The following TACC2 variants were observed in gnomAD, a reference collection of about 807,000 sequenced individuals.
TACC2 encodes the protein transforming acidic coiled-coil containing protein 2, also known as transforming acidic coiled-coil-containing protein 2.
In TACC2, 137 loss-of-function variants were observed where a neutral mutation model predicts 227.3. The ratio of observed to expected loss-of-function variants is 0.60; its 90% CI spans 0.52 to 0.69. TACC2 has a LOEUF of 0.69. Among genes scored for constraint, TACC2 ranks in the 30% least tolerant of loss-of-function variants. The probability of loss-of-function intolerance (pLI) is 0.00; values close to 1 mark genes in which losing one functional copy is unlikely to be tolerated. For missense variants in TACC2, 3,470 were observed against 3,694.4 expected, an observed-to-expected ratio of 0.94 and a Z score of 1.57; for synonymous variants, 1,523 against 1,487.5, an observed-to-expected ratio of 1.02 and a Z score of -0.55.
chr10:122,216,918 C>G, intron 11 of TACC2, 90 bp downstream of exon 11: 3 of 1,605,930 alleles, frequency 1.9e-6, no homozygotes, highest in Middle Eastern at 1.7e-4. Flanking sequence ...AACTTCTCAG[C>G]CAGGTAACCA....
intron 5 of TACC2, among the ~76,000 whole-genome samples, chr10:122,101,265 A>T (rs1173767838): frequency 6.6e-6 from 1 of 152,212 alleles, no homozygotes; most frequent in African/African-American, 2.4e-5. Flanking sequence ...GATTCAGTGA[A>T]ATAGTGCACT....
At chr10:122,241,428 A>G (rs1184967107) in intron 18 of TACC2, among the ~76,000 whole-genome samples, 1 of 152,104 alleles carries the variant, frequency 6.6e-6, no homozygotes. Context: ...AGTAGCTAGG[A>G]TCACAGACGC....
chr10:122,237,665 C>A, intron 17 of TACC2, 127 bp downstream of exon 17: 1 of 1,208,112 alleles, frequency 8.3e-7, no homozygotes, highest in Non-Finnish European at 1.1e-6. Context: ...AGATGTGTGG[C>A]ACACCATGCG....
At chr10:122,122,227 C>T (rs2085963540) in intron 5 of TACC2, among the ~76,000 whole-genome samples, 1 of 152,064 alleles carries the variant, frequency 6.6e-6, no homozygotes, top group South Asian at 2.1e-4. Context: ...TGGTGGTGGG[C>T]ACCTATAGTC....
At chr10:122,139,340 G>A (rs1404911937) in intron 6 of TACC2, among the ~76,000 whole-genome samples, 2 of 152,204 alleles carry the variant, frequency 1.3e-5, no homozygotes, top group African/African-American at 4.8e-5. Context: ...ACGCTCTCAC[G>A]TGAACTGGCT....
intron 1 of TACC2, among the ~76,000 whole-genome samples, chr10:121,996,267 G>T (rs1953478968): frequency 6.6e-6 from 1 of 151,944 alleles, no homozygotes; most frequent in African/African-American, 2.4e-5. Flanking sequence ...TGTTGCTCAG[G>T]CTGTGTTGCT....
rs138677166 is a variant in TACC2 at position 122,055,051 on chromosome 10, C to T, written c.146+4501C>T. ...CCCGGGCAACACAGTGAAACCTCAT[C>T]TCTACTAAAATGCAAAAATTTAGCT... On this transcript the variant is annotated intron_variant, in intron 3 of 22. Coordinates refer to ENST00000369005, the MANE Select transcript of TACC2 (RefSeq NM_206862.4). 3.9e-4 allele frequency among the ~76,000 whole-genome samples: 60 copies of T among 152,216 alleles called. 1 individual carries two copies. The East Asian group carries it at 0.01, about 26-fold the overall frequency.
intron 13 of TACC2, among the ~76,000 whole-genome samples, chr10:122,226,915 T>C (rs2095641187): frequency 6.6e-6 from 1 of 152,200 alleles, no homozygotes; most frequent in African/African-American, 2.4e-5. Flanking sequence ...GGGGACACTG[T>C]GGCCCAGCAT....
At chr10:121,995,389 T>C (rs1250265324) in intron 1 of TACC2, among the ~76,000 whole-genome samples, 1 of 152,242 alleles carries the variant, frequency 6.6e-6, no homozygotes, top group African/African-American at 2.4e-5. Flanking sequence ...GTGTATGTAC[T>C]GTTTCATACC....
rs1285008166 is a variant in TACC2 at position 122,050,057 on chromosome 10, G to A, written c.34-381G>A. Among the ~76,000 whole-genome samples the A allele has an allele frequency of 6.6e-6, 1 of 152,118 alleles. No individual in the cohort carries two copies. Among genetic ancestry groups the A allele is most frequent in the Non-Finnish European group, 1.5e-5 (1 of 68,022 alleles). On this transcript the variant is annotated intron_variant, in intron 2 of 22. Transcript: ENST00000369005. The surrounding 1 kb of genome is among the most constrained non-coding windows in gnomAD (Gnocchi z 4.6). ...ATCGGTGGTGGCGGGAGGAAAATGTGTTTTCATCTCAGGAGTGCCACAAAC... is the reference window on the plus strand; with the variant it reads ...ATCGGTGGTGGCGGGAGGAAAATGTATTTTCATCTCAGGAGTGCCACAAAC...
chr10:122,131,177 C>CAAAAAA (rs10572276), intron 5 of TACC2, among the ~76,000 whole-genome samples: 1 of 95,302 alleles, frequency 1.0e-5, no homozygotes, highest in Non-Finnish European at 2.2e-5. Context: ...GACGCTTTCT[C>CAAAAAA]AAAAAAAAAA....
At position 122,071,863 on chromosome 10, in the gene TACC2, G is replaced by T. The variant is rs541752121; in HGVS notation, c.147-10784G>T. Reference sequence around the variant, plus strand: ...GATTGCGCCACTGCACTCCAGCCTGGGCAACAGAGTGAGACTCTGTCTCAA... The same window carrying T: ...GATTGCGCCACTGCACTCCAGCCTGTGCAACAGAGTGAGACTCTGTCTCAA... On this transcript the variant is annotated intron_variant, in intron 3 of 22. Transcript: ENST00000369005. 3.9e-3 allele frequency among the ~76,000 whole-genome samples: 577 copies of T among 147,348 alleles called. 5 individuals are homozygous for T. Among genetic ancestry groups the T allele is most frequent in the African/African-American group, 0.013 (524 of 40,082 alleles).
chr10:122,249,170 A>G lies in TACC2; in HGVS notation c.8660+14A>G. 1 of 1,594,160 alleles carries G rather than the reference A, an allele frequency of 6.3e-7. No homozygotes were observed. The highest frequency in any genetic ancestry group is 8.6e-7 in the Non-Finnish European group (1 of 1,168,754). On this transcript the variant is annotated intron_variant, in intron 21 of 22. Transcript: ENST00000369005. The stretch of plus-strand genomic sequence containing the variant: ...GAAACTGGACAGGTAACATTTAGCC[A>G]CTGGGGGTGGCTCCCAGGGGCCTCC...
intron 7 of TACC2, among the ~76,000 whole-genome samples, chr10:122,185,629 G>C (rs1291019617): frequency 6.6e-6 from 1 of 152,196 alleles, no homozygotes. Flanking sequence ...TGTTTTTTCA[G>C]AGAAGACCAG....
intron 5 of TACC2, among the ~76,000 whole-genome samples, chr10:122,109,681 A>C (rs1193949648): frequency 6.6e-6 from 1 of 152,206 alleles, no homozygotes; most frequent in Non-Finnish European, 1.5e-5. Context: ...GCTATCTGGC[A>C]TTTGCTTCAA....
chr10:122,004,658 G>A lies in TACC2; in HGVS notation c.-46+15170G>A, dbSNP rs1012788662. Among the ~76,000 whole-genome samples the A allele has an allele frequency of 9.9e-5, 15 of 152,126 alleles. No homozygotes were observed. In the East Asian group the frequency reaches 1.2e-3, roughly 12 times the overall value. Reference sequence around the variant, plus strand: ...CTATGATTGCATCCCCAACCAATTAGCAGCACCCATTCCCGAGCTCCCTGT... The same window carrying A: ...CTATGATTGCATCCCCAACCAATTAACAGCACCCATTCCCGAGCTCCCTGT... On this transcript the variant is annotated intron_variant, in intron 1 of 22. Coordinates refer to ENST00000369005, the MANE Select transcript of TACC2 (RefSeq NM_206862.4).
chr10:122,083,215 T>G lies in TACC2; in HGVS notation c.715T>G (p.Ser239Ala), dbSNP rs1390662729. ...TGCAGGTGGCTTTCCCCCTGCAGAGTCCAGGCAGGGGGTGGCTTCTGTGCA... is the reference window on the plus strand; with the variant it reads ...TGCAGGTGGCTTTCCCCCTGCAGAGGCCAGGCAGGGGGTGGCTTCTGTGCA... The part of the protein sequence containing the change: ...EAAGGFPPAE[S>A]RQGVASVQVT... Residue 239 changes from serine (S) to alanine (A), a missense_variant, in exon 4 of 23, where the codon TCC becomes GCC. Around this residue, in one of 10 missense-constraint regions of TACC2, gnomAD observed 405 missense variants for 389.6 expected, o/e 1.04. Coordinates refer to ENST00000369005, the MANE Select transcript of TACC2 (RefSeq NM_206862.4). 1 of 1,613,106 alleles carries G rather than the reference T, an allele frequency of 6.2e-7. No individual in the cohort carries two copies. The highest frequency in any genetic ancestry group is 8.5e-7 in the Non-Finnish European group (1 of 1,179,908).
At chr10:122,148,163 G>A (rs926419776) in intron 7 of TACC2, among the ~76,000 whole-genome samples, 1 of 150,398 alleles carries the variant, frequency 6.6e-6, no homozygotes, top group African/African-American at 2.5e-5. Context: ...GAGTGCAATG[G>A]CGTGATCTCT....
chr10:122,185,750 A>T (rs943223306), intron 7 of TACC2, among the ~76,000 whole-genome samples: 1 of 152,190 alleles, frequency 6.6e-6, no homozygotes, highest in African/African-American at 2.4e-5. Context: ...TGTGTTTCAG[A>T]TGGGTAAGGG....
Sources: gnomAD v4.1 joint callset for allele counts (sites outside exome capture counted in the v4.1 genomes callset) on GRCh38, gnomAD v4.1.1 for gene constraint, gnomAD v4.1.1 regional missense constraint, Gnocchi (gnomAD v3.1) non-coding constraint, MANE v1.5 for transcripts, NCBI Gene and HGNC (gene_info 2026-07-23, HGNC 2026-07-21) for gene names.